Variants in ATRX observed in about 807,000 individuals in gnomAD.
ATRX encodes the protein chromatin remodeler ATRX.
ATRX carries 12 observed loss-of-function variants against 172.6 expected under a neutral mutation model. The observed-to-expected ratio is 0.07, with a 90% confidence interval of 0.04 to 0.11. The LOEUF (loss-of-function observed/expected upper bound fraction) is 0.11. Ranked by LOEUF, ATRX falls within the 10% of genes least tolerant of loss-of-function variation. The pLI is 1.00. For missense variants in ATRX, 1,368 were observed against 1,767.4 expected (o/e 0.77, Z 4.05); for synonymous variants, 674 against 594.7 (o/e 1.13, Z -1.94).
chrX:77,639,180 G>A (rs2068534937), intron 15 of ATRX, among the ~76,000 whole-genome samples: 1 of 111,509 alleles, frequency 9.0e-6, no homozygotes. Context: ...AATATGATTG[G>A]GCTATCATTC....
At position 77,504,896 on chromosome X, in the gene ATRX, C is replaced by A; in HGVS notation, c.*3455G>T. On this transcript the variant is annotated 3_prime_UTR_variant, in exon 35 of 35. Coordinates refer to ENST00000373344, the MANE Select transcript of ATRX (RefSeq NM_000489.6). The stretch of plus-strand genomic sequence containing the variant: ...CACAGTATATATTTCGGATTTAAAA[C>A]TTTATTCACCCCATATAATAGTATA... 1.4e-5 allele frequency: 2 copies of A among 146,381 alleles called. No individual in the cohort carries two copies. The highest frequency in any genetic ancestry group is 1.4e-5 in the Non-Finnish European group (1 of 73,346). The allele number at this position is 146,381 out of a possible 1,213,427, so 12.1% of individuals were successfully genotyped here.
chrX:77,614,716 T>C (rs1367951332), intron 22 of ATRX, among the ~76,000 whole-genome samples: 1 of 111,980 alleles, frequency 8.9e-6, no homozygotes, highest in Non-Finnish European at 1.9e-5. Context: ...CATTTTTATA[T>C]GTTGGAAACA....
At chrX:77,610,507 A>G (rs1349961635) in intron 22 of ATRX, among the ~76,000 whole-genome samples, 4 of 111,850 alleles carry the variant, frequency 3.6e-5, no homozygotes, top group Non-Finnish European at 7.5e-5. Flanking sequence ...GATAAATGTC[A>G]TATCAAAACA....
intron 7 of ATRX, among the ~76,000 whole-genome samples, chrX:77,688,095 G>A (rs2071682997): frequency 1.8e-5 from 2 of 110,301 alleles, no homozygotes. Flanking sequence ...CCGCCACCAT[G>A]CCCGGCTAAT....
chrX:77,562,236 G>C (rs2065043862), intron 28 of ATRX, among the ~76,000 whole-genome samples: 1 of 112,220 alleles, frequency 8.9e-6, no homozygotes, highest in Non-Finnish European at 1.9e-5. Flanking sequence ...TTCTAGTTGA[G>C]GACCATTCTA....
At chrX:77,596,086 C>T (rs1302036963) in intron 25 of ATRX, 2 of 111,735 alleles carry the variant, frequency 1.8e-5, no homozygotes, top group South Asian at 3.7e-4. Flanking sequence ...CTCAGAAAAA[C>T]GAGACAGCTA....
chrX:77,525,870 C>T (rs1002876481), intron 30 of ATRX, among the ~76,000 whole-genome samples: 1 of 112,353 alleles, frequency 8.9e-6, no homozygotes, highest in Admixed American at 9.4e-5. Context: ...CAATTATAAA[C>T]AACACAATTT....
chrX:77,557,256 T>C (rs2064840062), intron 30 of ATRX, among the ~76,000 whole-genome samples, 195 bp downstream of exon 30: 1 of 111,819 alleles, frequency 8.9e-6, no homozygotes, highest in South Asian at 3.7e-4. Flanking sequence ...ATACTATCTT[T>C]TTGTGGTGCT....
At chrX:77,558,282 T>C (rs1557059991) in intron 29 of ATRX, among the ~76,000 whole-genome samples, 1 of 110,289 alleles carries the variant, frequency 9.1e-6, no homozygotes, top group East Asian at 2.8e-4. Context: ...AATAAACAAA[T>C]AACAGGAAAG....
intron 30 of ATRX, 67 bp downstream of exon 30, chrX:77,557,384 T>G: frequency 6.8e-6 from 7 of 1,031,697 alleles, no homozygotes; most frequent in Non-Finnish European, 9.5e-6. Context: ...TGACTAAATT[T>G]GATATCAGTA....
chrX:77,745,441 A>G (rs1285508676), intron 1 of ATRX, among the ~76,000 whole-genome samples: 1 of 111,473 alleles, frequency 9.0e-6, no homozygotes. Context: ...TTGCAACAAC[A>G]TGGATGGAAC....
rs1557033725 is a variant in ATRX at position 77,507,053 on chromosome X, T to A, written c.*1298A>T. On this transcript the variant is annotated 3_prime_UTR_variant, in exon 35 of 35. Coordinates refer to ENST00000373344, the MANE Select transcript of ATRX (RefSeq NM_000489.6). ...TCAAGTAACCAAAATTGTACATGAA[T>A]AAATTTATAGGTCATTTTTGCAGAA... 5.9e-6 allele frequency: 1 copy of A among 170,722 alleles called. No individual in the cohort carries two copies. The highest frequency in any genetic ancestry group is 3.0e-5 in the African/African-American group (1 of 33,116). 14.1% of individuals were successfully genotyped at this position (170,722 alleles called of 1,213,427 possible). A position where few individuals can be genotyped will look rare whatever the true frequency, so the allele number is the denominator to read the frequency against.
At chrX:77,609,651 T>A (rs975559725) in intron 22 of ATRX, among the ~76,000 whole-genome samples, 2 of 109,844 alleles carry the variant, frequency 1.8e-5, no homozygotes, top group Non-Finnish European at 3.8e-5. Flanking sequence ...GACTTTTGTA[T>A]TTTTTTTTAT....
intron 2 of ATRX, among the ~76,000 whole-genome samples, chrX:77,713,957 G>C (rs1450471262): frequency 9.0e-6 from 1 of 111,561 alleles, no homozygotes; most frequent in Non-Finnish European, 1.9e-5. Context: ...ATGAGAGGGA[G>C]AGGGACCTAA....
intron 28 of ATRX, among the ~76,000 whole-genome samples, chrX:77,560,780 T>C (rs1006973448): frequency 1.8e-5 from 2 of 111,601 alleles, no homozygotes; most frequent in Admixed American, 9.6e-5. Context: ...TCATGTTTTA[T>C]GTCAATTTGG....
At chrX:77,766,747 A>G (rs1282826541) in intron 1 of ATRX, among the ~76,000 whole-genome samples, 1 of 100,080 alleles carries the variant, frequency 1.0e-5, no homozygotes, top group Non-Finnish European at 2.0e-5. Context: ...CTGGGCAGCC[A>G]GGCAGAGGGG....
chrX:77,597,610 GTAAC>G (rs1392834914), intron 25 of ATRX, among the ~76,000 whole-genome samples: 1 of 110,841 alleles, frequency 9.0e-6, no homozygotes, highest in Non-Finnish European at 1.9e-5. Context: ...AAAAAAACAA[GTAAC>G]TCCATTAAAA....
chrX:77,536,606 T>C (rs1176524981), intron 30 of ATRX, among the ~76,000 whole-genome samples: 2 of 111,871 alleles, frequency 1.8e-5, no homozygotes, highest in African/African-American at 3.2e-5. Flanking sequence ...TCATTGATCA[T>C]TCCAACATAT....
At chrX:77,509,912 G>C (rs1367389052) in intron 34 of ATRX, among the ~76,000 whole-genome samples, 1 of 11,956 alleles carries the variant, frequency 8.4e-5, no homozygotes, top group Non-Finnish European at 2.2e-4. Flanking sequence ...GACGGGGGGC[G>C]GGGGGGGGGG....
Sources: gnomAD v4.1 joint callset for allele counts (sites outside exome capture counted in the v4.1 genomes callset) on GRCh38, gnomAD v4.1.1 for gene constraint, MANE v1.5 for transcripts, NCBI Gene and HGNC (gene_info 2026-07-23, HGNC 2026-07-21) for gene names.